NCAPG2: variants seen among roughly 807,000 people sequenced by gnomAD.
NCAPG2 encodes the protein condensin-2 complex subunit G2.
NCAPG2 carries 53 observed loss-of-function variants against 141.1 expected under a neutral mutation model. The observed-to-expected ratio is 0.38, with a 90% CI of 0.30 to 0.47. The LOEUF (loss-of-function observed/expected upper bound fraction) is 0.47. Among genes scored for constraint, NCAPG2 ranks in the 20% least tolerant of loss-of-function variants. The probability of loss-of-function intolerance (pLI) is 0.99; values close to 1 mark genes in which losing one functional copy is unlikely to be tolerated. For missense variants in NCAPG2, 1,087 were observed against 1,389.0 expected (o/e 0.78, Z 3.46); for synonymous variants, 499 against 490.7 (o/e 1.02, Z -0.22).
chr7:158,700,371 G>T (rs987775610), intron 2 of NCAPG2, among the ~76,000 whole-genome samples: 7 of 152,220 alleles, frequency 4.6e-5, no homozygotes, highest in Non-Finnish European at 1.0e-4. Flanking sequence ...CACCCCAGAA[G>T]GGCACCTGTC....
At chr7:158,654,553 T>G in intron 22 of NCAPG2, 42 bp downstream of exon 22, 1 of 1,580,152 alleles carries the variant, frequency 6.3e-7, no homozygotes, top group Non-Finnish European at 8.7e-7. Context: ...AGGGAAGGAC[T>G]GGTTCTGAGT....
chr7:158,673,998 ATAG>A (rs1296475274), intron 12 of NCAPG2, among the ~76,000 whole-genome samples: 1 of 151,970 alleles, frequency 6.6e-6, no homozygotes, highest in Non-Finnish European at 1.5e-5. Flanking sequence ...AAGACGCTTT[ATAG>A]TAGACTGGGG....
In NCAPG2 at chr7:158,652,454, G is replaced by A; in HGVS notation, c.2773C>T (p.Leu925Phe). 1 of 1,601,504 alleles carries A rather than the reference G, an allele frequency of 6.2e-7. No homozygotes were observed. Among genetic ancestry groups the A allele is most frequent in the Middle Eastern group, 1.7e-4 (1 of 6,012 alleles). Residue 925 changes from leucine (L) to phenylalanine (F), a missense_variant, in exon 23 of 28, where the codon CTT becomes TTT. Coordinates refer to ENST00000356309, the MANE Select transcript of NCAPG2 (RefSeq NM_017760.7). Reference protein sequence around the residue: ...TVKGFFYVSLLLDILKEITGS... With the variant: ...TVKGFFYVSLFLDILKEITGS... ...GTTATCTCTTTCAGAATGTCAAGAA[G>A]TAATGAAACATAAAAAAATCCCTTC... is the stretch of plus-strand genomic sequence containing the variant.
At position 158,704,772 on chromosome 7, in the gene NCAPG2, C is replaced by A. The variant is rs2129470102; in HGVS notation, c.-88G>T. ...CCCGCGCTCGGACCAGATTCAAACG[C>A]ACCCGCCGGCGCCCCAGACGGGCCC... On this transcript the variant is annotated 5_prime_UTR_variant, in exon 1 of 28. Transcript: ENST00000356309. The A allele has an allele frequency of 6.6e-6, 1 of 152,448 alleles. No individual in the cohort carries two copies. Among genetic ancestry groups the A allele is most frequent in the Non-Finnish European group, 1.5e-5 (1 of 68,120 alleles). 9.4% of individuals were successfully genotyped at this position (152,448 alleles called of 1,614,324 possible).
At chr7:158,680,863 T>C (rs1172910694) in intron 9 of NCAPG2, 47 bp from the exon 10 acceptor site, 3 of 1,362,852 alleles carry the variant, frequency 2.2e-6, no homozygotes, top group Non-Finnish European at 3.1e-6. Flanking sequence ...AAAAAATAAA[T>C]AAATAAAATA....
chr7:158,654,587 G>T lies in NCAPG2; in HGVS notation c.2746+8C>A. The stretch of plus-strand genomic sequence containing the variant: ...GTATTTATTGCTCTAAAACAGCCCT[G>T]ACTGTACCTGTTTGCATGATTCCAA... On this transcript the variant is annotated splice_region_variant and intron_variant, in intron 22 of 27. Coordinates refer to ENST00000356309, the MANE Select transcript of NCAPG2 (RefSeq NM_017760.7). 1 of 1,613,306 alleles carries T rather than the reference G, an allele frequency of 6.2e-7. No individual in the cohort carries two copies. Among genetic ancestry groups the T allele is most frequent in the South Asian group, 1.1e-5 (1 of 90,932 alleles).
At chr7:158,702,373 A>C (rs1367768892) in intron 1 of NCAPG2, 1 of 156,902 alleles carries the variant, frequency 6.4e-6, no homozygotes, top group Non-Finnish European at 1.4e-5. Context: ...TCCCACTGTT[A>C]GTGTCATCTT....
At chr7:158,691,873 C>G (rs941507946) in intron 4 of NCAPG2, among the ~76,000 whole-genome samples, 1 of 152,192 alleles carries the variant, frequency 6.6e-6, no homozygotes, top group Non-Finnish European at 1.5e-5. Flanking sequence ...ATGGTAATCA[C>G]ATAATCAGGT....
chr7:158,648,415 CA>C (rs1390392727), intron 24 of NCAPG2, among the ~76,000 whole-genome samples: 1 of 151,084 alleles, frequency 6.6e-6, no homozygotes, highest in Non-Finnish European at 1.5e-5. Flanking sequence ...GAAAGACTAA[CA>C]GAACAGACAG....
chr7:158,701,560 CAG>C (rs1279772376), intron 2 of NCAPG2, among the ~76,000 whole-genome samples: 1 of 152,236 alleles, frequency 6.6e-6, no homozygotes, highest in Non-Finnish European at 1.5e-5. Context: ...CTCTAGTCTT[CAG>C]AGTGACCTTC....
chr7:158,667,473 A>C, intron 13 of NCAPG2, among the ~76,000 whole-genome samples: 1 of 131,198 alleles, frequency 7.6e-6, no homozygotes, highest in Non-Finnish European at 1.6e-5. Flanking sequence ...CGCCTTACCC[A>C]CTACTGGGTC....
At chr7:158,662,880 A>G (rs1483117250) in intron 15 of NCAPG2, among the ~76,000 whole-genome samples, 1 of 152,210 alleles carries the variant, frequency 6.6e-6, no homozygotes, top group Non-Finnish European at 1.5e-5. Flanking sequence ...GGCAGAACAC[A>G]GCCTGAGAGG....
chr7:158,636,957 T>TC (rs1739842052), intron 27 of NCAPG2, among the ~76,000 whole-genome samples: 1 of 150,910 alleles, frequency 6.6e-6, no homozygotes, highest in Non-Finnish European at 1.5e-5. Context: ...TTCTTCTTCT[T>TC]TTTTTTTTGA....
chr7:158,677,882 C>G (rs1240000882), intron 11 of NCAPG2, among the ~76,000 whole-genome samples: 1 of 152,072 alleles, frequency 6.6e-6, no homozygotes, highest in Non-Finnish European at 1.5e-5. Flanking sequence ...ACAATGTCAG[C>G]TCACTGCAGC....
chr7:158,644,605 C>T (rs1209037565), intron 26 of NCAPG2, among the ~76,000 whole-genome samples: 1 of 152,182 alleles, frequency 6.6e-6, no homozygotes, highest in African/African-American at 2.4e-5. Context: ...TTCAAATGGA[C>T]CTCACCCCAT....
intron 21 of NCAPG2, 147 bp from the exon 22 acceptor site, chr7:158,654,841 A>G: frequency 1.5e-6 from 2 of 1,371,036 alleles, no homozygotes; most frequent in Non-Finnish European, 1.9e-6. Context: ...TTTCATAAAG[A>G]TACATTAATT....
intron 11 of NCAPG2, among the ~76,000 whole-genome samples, 198 bp downstream of exon 11, chr7:158,679,762 A>T (rs577636500): frequency 1.3e-5 from 2 of 152,352 alleles, no homozygotes; most frequent in Admixed American, 6.5e-5. Flanking sequence ...AGAAAAAGAC[A>T]CCACAGGTCC....
In NCAPG2 at chr7:158,693,316, G is replaced by C; in HGVS notation, c.260C>G (p.Ser87Ter). 1 of 1,597,600 alleles carries C rather than the reference G, an allele frequency of 6.3e-7. No homozygotes were observed. Among genetic ancestry groups the C allele is most frequent in the South Asian group, 1.2e-5 (1 of 86,486 alleles). The part of the protein sequence containing the change: ...GEDNMETEHG[S>*]KMRKSIEIIY... The stretch of plus-strand genomic sequence containing the variant: ...TTGAAAAACAAATACTACCATTTTT[G>C]AGCCATGTTCGGTTTCCATATTGTC... Residue 87 changes from serine (S) to a stop codon, truncating the protein, a stop_gained, in exon 3 of 28, where the codon TCA becomes TGA. Coordinates refer to ENST00000356309, the MANE Select transcript of NCAPG2 (RefSeq NM_017760.7). LOFTEE classifies it high-confidence loss of function.
At position 158,662,130 on chromosome 7, in the gene NCAPG2, T is replaced by C. The variant is rs570925247; in HGVS notation, c.1989+64A>G. The C allele has an allele frequency of 1.2e-5, 18 of 1,452,170 alleles. No homozygotes were observed. The Admixed American group carries it at 3.9e-4, about 31-fold the overall frequency. The allele number at this position is 1,452,170 out of a possible 1,614,324, so 90.0% of individuals were successfully genotyped here. ...GGGAGGTAAACATGTTTGAGAACTT[T>C]TGTTAAATTCTAAACAAACGTAACC... On this transcript the variant is annotated intron_variant, in intron 16 of 27. Coordinates refer to ENST00000356309, the MANE Select transcript of NCAPG2 (RefSeq NM_017760.7).
Sources: gnomAD v4.1 joint callset for allele counts (sites outside exome capture counted in the v4.1 genomes callset) on GRCh38, gnomAD v4.1.1 for gene constraint, MANE v1.5 for transcripts, NCBI Gene and HGNC (gene_info 2026-07-23, HGNC 2026-07-21) for gene names.